The following RPS6KC1 variants were observed in gnomAD, a reference collection of about 807,000 sequenced individuals.
The protein encoded by RPS6KC1 is inactive ribosomal protein S6 kinase delta-1.
A neutral mutation model predicts 103.8 loss-of-function variants in RPS6KC1; 54 were observed. The ratio of observed to expected loss-of-function variants is 0.52; its 90% CI spans 0.42 to 0.65. RPS6KC1 has a LOEUF of 0.65. Among genes scored for constraint, RPS6KC1 ranks in the 30% least tolerant of loss-of-function variants. The probability of loss-of-function intolerance (pLI) is 0.00; values close to 1 mark genes in which losing one functional copy is unlikely to be tolerated. For missense variants in RPS6KC1, 1,151 were observed against 1,253.8 expected (o/e 0.92, Z 1.24); for synonymous variants, 439 against 438.7 (o/e 1.00, Z -0.01).
chr1:213,248,356 A>G lies in RPS6KC1; in HGVS notation c.2911+5698A>G, dbSNP rs373433734. Among the ~76,000 whole-genome samples, 21 of 152,324 alleles carry G rather than the reference A, an allele frequency of 1.4e-4. No individual in the cohort carries two copies. The East Asian group carries it at 3.9e-3, about 28-fold the overall frequency. ...CTTCAGCAATAGCTAGCTATCTTGT[A>G]CATAGTATTTTAATGTTTTCCTTGA... On this transcript the variant is annotated intron_variant, in intron 12 of 14. Transcript: ENST00000366960.
the RPS6KC1 span, among the ~76,000 whole-genome samples, chr1:213,851,091 C>A: frequency 1.2e-4 from 18 of 152,044 alleles, no homozygotes; most frequent in Admixed American, 1.1e-3. Context: ...CCATCATCAA[C>A]CCCCTCTTTC....
At chr1:213,788,778 G>C in the RPS6KC1 span, among the ~76,000 whole-genome samples, 1 of 152,234 alleles carries the variant, frequency 6.6e-6, no homozygotes, top group South Asian at 2.1e-4. Context: ...TGGGGATGTA[G>C]GTACTTTGGC....
chr1:213,820,024 A>G, the RPS6KC1 span: 1 of 152,216 alleles, frequency 6.6e-6, no homozygotes, highest in Non-Finnish European at 1.5e-5. Context: ...AAGGGGAGCA[A>G]CTGGTGGATA....
chr1:213,096,734 T>C (rs886994524), intron 3 of RPS6KC1, among the ~76,000 whole-genome samples: 1 of 152,070 alleles, frequency 6.6e-6, no homozygotes, highest in African/African-American at 2.4e-5. Flanking sequence ...GGGTGGTGAA[T>C]CCTTTCCAGA....
the RPS6KC1 span, among the ~76,000 whole-genome samples, chr1:213,678,828 C>T: frequency 6.6e-6 from 1 of 152,192 alleles, no homozygotes; most frequent in African/African-American, 2.4e-5. Context: ...GAATTTCTGG[C>T]ATGATGTGAA....
the RPS6KC1 span, among the ~76,000 whole-genome samples, chr1:213,691,756 T>C: frequency 2.0e-5 from 3 of 152,102 alleles, no homozygotes; most frequent in Non-Finnish European, 4.4e-5. Flanking sequence ...GGTGGCTGGG[T>C]CCTGAAAGCA....
At chr1:213,260,112 TTAGG>T (rs1352864917) in intron 12 of RPS6KC1, among the ~76,000 whole-genome samples, 1 of 151,756 alleles carries the variant, frequency 6.6e-6, no homozygotes, top group Non-Finnish European at 1.5e-5. Context: ...ATCTCTATTG[TTAGG>T]TAGTTCTCAA....
At chr1:213,838,497 G>GA in the RPS6KC1 span, among the ~76,000 whole-genome samples, 1 of 151,674 alleles carries the variant, frequency 6.6e-6, no homozygotes, top group Non-Finnish European at 1.5e-5. Context: ...CAAAAAGTAA[G>GA]AAAATTACAA....
the RPS6KC1 span, among the ~76,000 whole-genome samples, chr1:213,339,858 G>C: frequency 6.6e-6 from 1 of 152,080 alleles, no homozygotes; most frequent in Non-Finnish European, 1.5e-5. Flanking sequence ...GTTAGATGAA[G>C]AAAGTTGAGA....
the RPS6KC1 span, among the ~76,000 whole-genome samples, chr1:213,549,259 G>A: frequency 6.6e-6 from 1 of 152,194 alleles, no homozygotes; most frequent in African/African-American, 2.4e-5. Context: ...AGGGCCAAGA[G>A]AGTCTTAGGT....
At chr1:213,806,191 G>A in the RPS6KC1 span, among the ~76,000 whole-genome samples, 1 of 152,154 alleles carries the variant, frequency 6.6e-6, no homozygotes, top group Non-Finnish European at 1.5e-5. Flanking sequence ...AATTAGCCAG[G>A]CGTGGTGGTG....
the RPS6KC1 span, among the ~76,000 whole-genome samples, chr1:213,481,300 C>T: frequency 6.6e-6 from 1 of 152,202 alleles, no homozygotes; most frequent in African/African-American, 2.4e-5. Flanking sequence ...ACAAGAAAAT[C>T]TAGGTGGAAA....
chr1:213,143,321 T>C (rs1218446817), intron 6 of RPS6KC1, among the ~76,000 whole-genome samples: 2 of 151,964 alleles, frequency 1.3e-5, no homozygotes, highest in African/African-American at 4.8e-5. Flanking sequence ...TCTGTTGGGT[T>C]TTTCTGGATT....
the RPS6KC1 span, among the ~76,000 whole-genome samples, chr1:213,323,629 T>A: frequency 6.6e-6 from 1 of 152,212 alleles, no homozygotes; most frequent in East Asian, 1.9e-4. Flanking sequence ...AAGTCCCTAT[T>A]GCCCCGTTAT....
the RPS6KC1 span, among the ~76,000 whole-genome samples, chr1:213,551,292 T>C: frequency 6.6e-6 from 1 of 152,138 alleles, no homozygotes; most frequent in East Asian, 1.9e-4. Context: ...ACATAGGCTG[T>C]TTCCATTTAC....
chr1:213,109,173 G>C (rs2082770229), intron 4 of RPS6KC1, among the ~76,000 whole-genome samples: 1 of 152,180 alleles, frequency 6.6e-6, no homozygotes, highest in African/African-American at 2.4e-5. Context: ...GTCTCGCTCT[G>C]TTGCCCAGGC....
the RPS6KC1 span, among the ~76,000 whole-genome samples, chr1:213,320,574 G>A: frequency 2.6e-5 from 4 of 152,334 alleles, 1 homozygote; most frequent in African/African-American, 9.6e-5. Flanking sequence ...CTTTTCACTT[G>A]TTTGTTTATT....
intron 10 of RPS6KC1, among the ~76,000 whole-genome samples, chr1:213,236,258 G>A (rs901702518): frequency 1.3e-5 from 2 of 152,122 alleles, no homozygotes; most frequent in Non-Finnish European, 2.9e-5. Context: ...CAAAATGGTT[G>A]GGAACTGCTG....
At chr1:213,492,138 T>A in the RPS6KC1 span, among the ~76,000 whole-genome samples, 6 of 152,194 alleles carry the variant, frequency 3.9e-5, no homozygotes, top group Non-Finnish European at 7.3e-5. Flanking sequence ...ATGACACCAT[T>A]GTGTGCATAG....
Sources: allele counts gnomAD v4.1 joint callset (sites outside exome capture counted in the v4.1 genomes callset), GRCh38; gene constraint gnomAD v4.1.1; transcripts MANE v1.5; gene names NCBI Gene and HGNC (gene_info 2026-07-23, HGNC 2026-07-21).